Variants in CA12 observed in about 807,000 individuals in gnomAD.
CA12 encodes carbonic anhydrase 12.
In CA12, 36 loss-of-function variants were observed where a neutral mutation model predicts 46.8. The ratio of observed to expected loss-of-function variants is 0.77; its 90% CI spans 0.59 to 1.02. CA12 has a LOEUF of 1.02. CA12 is among the 50% of genes least tolerant of loss of function. The pLI, the probability that CA12 is intolerant of heterozygous loss-of-function variation, is 0.00. For missense variants in CA12, 436 were observed against 451.4 expected (o/e 0.97, Z 0.31); for synonymous variants, 202 against 187.0 (o/e 1.08, Z -0.65).
Position 63,355,815 on chromosome 15 carries a change from CTAGA to C in CA12, c.107-9110_107-9107del, listed in dbSNP as rs2039288149. On this transcript the variant is annotated intron_variant, in intron 2 of 10. Transcript: ENST00000178638. This position sits in a 1 kb window ranked among gnomAD's most constrained non-coding sequence, Gnocchi z 4.1. ...TGGCCCATTCATGTGAGGAATCGTG[CTAGA>C]TGTGAAAGTGTTAAGTCCACAGCCC... 6.6e-6 allele frequency among the ~76,000 whole-genome samples: 1 copy of C among 152,180 alleles called. No individual in the cohort carries two copies. The highest frequency in any genetic ancestry group is 1.9e-4 in the East Asian group (1 of 5,186).
rs1595773155 is a variant in CA12 at position 63,328,108 on chromosome 15, T to C, written c.897A>G (p.Gly299=). The change falls in exon 9 of 11, where the codon GGA becomes GGG. Residue 299 remains glycine, a synonymous_variant. Coordinates refer to ENST00000178638, the MANE Select transcript of CA12 (RefSeq NM_001218.5). This position sits in a 1 kb window ranked among gnomAD's most constrained non-coding sequence, Gnocchi z 5.9. ...FSQVQVCTAA[G]LSLGIILSLA... ...TGCCCAGCCACATACCCAGACTCAG[T>C]CCTGCCGCAGTACAGACTTGCACTT... 1 of 1,613,948 alleles carries C rather than the reference T, an allele frequency of 6.2e-7. No homozygotes were observed. Among genetic ancestry groups the C allele is most frequent in the Non-Finnish European group, 8.5e-7 (1 of 1,179,936 alleles).
rs875243 is a variant in CA12, at chr15:63,341,425, A to T, written c.525+577T>A. 0.11 allele frequency among the ~76,000 whole-genome samples: 16,835 copies of T among 152,250 alleles called. 1,434 individuals carry two copies. Among genetic ancestry groups the T allele is most frequent in the East Asian group, 0.45 (2,318 of 5,162 alleles). The stretch of plus-strand genomic sequence containing the variant: ...CCATTCTCATAGGAGCACAAGCCCT[A>T]TTGTGAACTGCGCATGCAAGGGATC... On this transcript the variant is annotated intron_variant, in intron 5 of 10. Coordinates refer to ENST00000178638, the MANE Select transcript of CA12 (RefSeq NM_001218.5). This position sits in a 1 kb window ranked among gnomAD's most constrained non-coding sequence, Gnocchi z 5.2.
chr15:63,349,382 G>A (rs1385976713), intron 2 of CA12, among the ~76,000 whole-genome samples: 3 of 152,206 alleles, frequency 2.0e-5, no homozygotes, highest in African/African-American at 7.2e-5. Context: ...CAGGGCACCG[G>A]TGCTCCAGGA....
chr15:63,375,500 C>G (rs1055760886), intron 2 of CA12, 158 bp downstream of exon 2: 1 of 613,966 alleles, frequency 1.6e-6, no homozygotes, highest in Admixed American at 2.9e-5. Flanking sequence ...TTGAAGTGTT[C>G]TTAGGAGATG....
At chr15:63,363,261 A>G (rs2039389317) in intron 2 of CA12, among the ~76,000 whole-genome samples, 1 of 152,208 alleles carries the variant, frequency 6.6e-6, no homozygotes, top group African/African-American at 2.4e-5. Flanking sequence ...GCACATGGTG[A>G]TGTGGCATTT....
rs118037764 is a variant in CA12 at position 63,353,562 on chromosome 15, C to A, written c.107-6853G>T. On this transcript the variant is annotated intron_variant, in intron 2 of 10. Transcript: ENST00000178638. ...CTTCCTGTTGGGAGGCTAGTACCTG[C>A]CTCTCTCTGGGGGTCATCCAACAGT... 1.3e-4 allele frequency among the ~76,000 whole-genome samples: 20 copies of A among 152,268 alleles called. 1 individual carries two copies. The East Asian group carries it at 3.9e-3, about 29-fold the overall frequency.
chr15:63,338,224 T>G (rs1482149489), intron 8 of CA12, among the ~76,000 whole-genome samples: 1 of 152,232 alleles, frequency 6.6e-6, no homozygotes, highest in African/African-American at 2.4e-5. Context: ...TGGGAACTTA[T>G]GTGCTTGTGC....
chr15:63,374,481 G>A lies in CA12; in HGVS notation c.106+1177C>T, dbSNP rs778150971. 7.2e-5 allele frequency among the ~76,000 whole-genome samples: 11 copies of A among 152,158 alleles called. No individual in the cohort carries two copies. Among genetic ancestry groups the A allele is most frequent in the Non-Finnish European group, 1.5e-4 (10 of 68,040 alleles). ...TATTATGTTCTGCTTTGAATTGTGA[G>A]CTTTAAGTAATTCCCAACTATGGAC... On this transcript the variant is annotated intron_variant, in intron 2 of 10. Transcript: ENST00000178638. This position sits in a 1 kb window ranked among gnomAD's most constrained non-coding sequence, Gnocchi z 4.4.
intron 2 of CA12, among the ~76,000 whole-genome samples, chr15:63,351,021 A>T (rs1327863180): frequency 6.6e-6 from 1 of 152,240 alleles, no homozygotes; most frequent in Non-Finnish European, 1.5e-5. Context: ...TACCGAATCC[A>T]ATTAGAATTC....
intron 2 of CA12, among the ~76,000 whole-genome samples, chr15:63,361,819 C>A (rs2039367129): frequency 6.6e-6 from 1 of 152,110 alleles, no homozygotes; most frequent in Admixed American, 6.5e-5. Context: ...AAGAGATCAC[C>A]ACCCTCAGGG....
intron 1 of CA12, among the ~76,000 whole-genome samples, chr15:63,377,469 G>T (rs1595795698): frequency 1.4e-5 from 2 of 144,600 alleles, no homozygotes; most frequent in South Asian, 4.4e-4. Flanking sequence ...GTTAAAAAGT[G>T]AACTTGGCTT....
At chr15:63,353,473 G>A (rs1267222757) in intron 2 of CA12, among the ~76,000 whole-genome samples, 1 of 152,198 alleles carries the variant, frequency 6.6e-6, no homozygotes, top group Non-Finnish European at 1.5e-5. Flanking sequence ...CCTGCCCTGT[G>A]CCAAGGCTGA....
In CA12 at chr15:63,375,649, T is replaced by A; in HGVS notation, c.106+9A>T. On this transcript the variant is annotated intron_variant, in intron 2 of 10. Coordinates refer to ENST00000178638, the MANE Select transcript of CA12 (RefSeq NM_001218.5). ...TTTCAACAAAAAAGTATTTAAAATC[T>A]CTACTTACCAAAATAAGTCCACTTG... is the stretch of plus-strand genomic sequence containing the variant. The A allele has an allele frequency of 6.5e-7, 1 of 1,536,202 alleles. No individual in the cohort carries two copies. Among genetic ancestry groups the A allele is most frequent in the Non-Finnish European group, 9.0e-7 (1 of 1,112,460 alleles).
At chr15:63,369,439 T>C (rs1166468228) in intron 2 of CA12, among the ~76,000 whole-genome samples, 1 of 152,228 alleles carries the variant, frequency 6.6e-6, no homozygotes, top group African/African-American at 2.4e-5. Flanking sequence ...CCATGTGTTA[T>C]CTTATTTGAT....
At position 63,323,470 on chromosome 15, in the gene CA12, C is replaced by A. The variant is rs1352611185; in HGVS notation, c.*2815G>T. On this transcript the variant is annotated 3_prime_UTR_variant, in exon 11 of 11. Transcript: ENST00000178638. The surrounding 1 kb of genome is among the most constrained non-coding windows in gnomAD (Gnocchi z 5.1). ...TACCTATCCCCATAACAGGGAGCTA[C>A]AGAGTGCTTTGCAAATAGTAATGCT... 1 of 151,094 alleles carries A rather than the reference C, an allele frequency of 6.6e-6. No individual in the cohort carries two copies. The highest frequency in any genetic ancestry group is 2.5e-5 in the African/African-American group (1 of 40,806). 9.4% of individuals were successfully genotyped at this position (151,094 alleles called of 1,614,324 possible).
At chr15:63,376,573 T>TCTTTCTTTCTTTCTTC (rs2152628116) in intron 1 of CA12, among the ~76,000 whole-genome samples, 1 of 113,982 alleles carries the variant, frequency 8.8e-6, no homozygotes, top group South Asian at 3.4e-4. Context: ...TTTCTTTCTT[T>TCTTTCTTTCTTTCTTC]CTTTCTTTCT....
Position 63,328,206 on chromosome 15 carries a change from G to A in CA12, c.875-76C>T, listed in dbSNP as rs896170608. On this transcript the variant is annotated intron_variant, in intron 8 of 10. Transcript: ENST00000178638. This position sits in a 1 kb window ranked among gnomAD's most constrained non-coding sequence, Gnocchi z 5.9. ...GGATTTGAGCAGCGTGTTGAGAGAC[G>A]CTCTACCATTTGTTTGGTCTTAGGC... The A allele has an allele frequency of 2.8e-5, 38 of 1,346,286 alleles. No individual in the cohort carries two copies. The Admixed American group carries it at 4.1e-4, about 14-fold the overall frequency. 83.4% of individuals were successfully genotyped at this position (1,346,286 alleles called of 1,614,324 possible).
rs971705251 is a variant in CA12 at position 63,329,523 on chromosome 15, G to A, written c.875-1393C>T. Among the ~76,000 whole-genome samples the A allele has an allele frequency of 6.6e-6, 1 of 152,156 alleles. No individual in the cohort carries two copies. The highest frequency in any genetic ancestry group is 6.5e-5 in the Admixed American group (1 of 15,274). On this transcript the variant is annotated intron_variant, in intron 8 of 10. Coordinates refer to ENST00000178638, the MANE Select transcript of CA12 (RefSeq NM_001218.5). The surrounding 1 kb of genome is among the most constrained non-coding windows in gnomAD (Gnocchi z 4.8). ...AGGTCCTTTGTCTAAAGAAAGTGTA[G>A]ATTTACAGGTACCCTTCTGTCTGGT...
In CA12 at chr15:63,340,213, C is replaced by T. The variant is rs1203714062; in HGVS notation, c.747+75G>A. On this transcript the variant is annotated intron_variant, in intron 7 of 10. Coordinates refer to ENST00000178638, the MANE Select transcript of CA12 (RefSeq NM_001218.5). This position sits in a 1 kb window ranked among gnomAD's most constrained non-coding sequence, Gnocchi z 4.4. Reference sequence around the variant, plus strand: ...ATGAAACTAAATGAGGAAATCAAGTCATTGATTGTGATATGGAGGATGATG... The same window carrying T: ...ATGAAACTAAATGAGGAAATCAAGTTATTGATTGTGATATGGAGGATGATG... The T allele has an allele frequency of 3.3e-6, 5 of 1,492,764 alleles. No homozygotes were observed. The highest frequency in any genetic ancestry group is 4.7e-6 in the Non-Finnish European group (5 of 1,072,048). 92.5% of individuals were successfully genotyped at this position (1,492,764 alleles called of 1,614,324 possible).
Sources: gnomAD v4.1 joint callset for allele counts (sites outside exome capture counted in the v4.1 genomes callset) on GRCh38, gnomAD v4.1.1 for gene constraint, Gnocchi (gnomAD v3.1) non-coding constraint, MANE v1.5 for transcripts, NCBI Gene and HGNC (gene_info 2026-07-23, HGNC 2026-07-21) for gene names.